The following BYSL variants were observed in gnomAD, a reference collection of about 807,000 sequenced individuals.
BYSL encodes bystin.
Under a neutral mutation model 45.4 loss-of-function variants are expected in BYSL, and 21 were observed. That is an observed-to-expected ratio of 0.46 (90% CI 0.33 to 0.67). The LOEUF (loss-of-function observed/expected upper bound fraction) is 0.67. Among genes scored for constraint, BYSL ranks in the 30% least tolerant of loss-of-function variants. The pLI, the probability that BYSL is intolerant of heterozygous loss-of-function variation, is 0.02. For synonymous variants in BYSL, 215 were observed against 231.3 expected (o/e 0.93, Z 0.64); for missense variants, 522 against 578.5 (o/e 0.90, Z 1.00).
chr6:41,911,455 T>A, the BYSL span, among the ~76,000 whole-genome samples: 3 of 152,142 alleles, frequency 2.0e-5, no homozygotes, highest in Non-Finnish European at 4.4e-5. Flanking sequence ...CCAGCTGAGA[T>A]AGGCTAAAAA....
chr6:41,926,575 C>A (rs1775566639), intron 1 of BYSL, among the ~76,000 whole-genome samples: 1 of 151,696 alleles, frequency 6.6e-6, no homozygotes. Context: ...CTCAGCCTTC[C>A]AAATAGCTGG....
At chr6:41,922,020 C>T (rs887266559) in intron 1 of BYSL, among the ~76,000 whole-genome samples, 190 bp downstream of exon 1, 1 of 152,170 alleles carries the variant, frequency 6.6e-6, no homozygotes, top group Non-Finnish European at 1.5e-5. Context: ...CTTCTAGACA[C>T]CCCCGAAGTT....
At chr6:41,926,426 TAAG>T (rs1401619228) in intron 1 of BYSL, among the ~76,000 whole-genome samples, 4 of 152,212 alleles carry the variant, frequency 2.6e-5, no homozygotes, top group Admixed American at 6.5e-5. Context: ...CATTGTTCCA[TAAG>T]AAGGTTTATT....
At chr6:41,911,836 T>C in the BYSL span, among the ~76,000 whole-genome samples, 1 of 152,024 alleles carries the variant, frequency 6.6e-6, no homozygotes, top group Admixed American at 6.6e-5. Context: ...TAAATCCAGT[T>C]CCAAACTTCT....
upstream of BYSL, chr6:41,918,010 C>CA: frequency 3.9e-6 from 1 of 259,028 alleles, no homozygotes; most frequent in South Asian, 3.4e-5. Flanking sequence ...AAGAATGGAA[C>CA]AAAACAAAAA....
intron 1 of BYSL, among the ~76,000 whole-genome samples, chr6:41,924,164 G>A (rs187305464): frequency 1.7e-4 from 26 of 150,662 alleles, no homozygotes; most frequent in Non-Finnish European, 3.0e-5. Context: ...GGGTTCAAGC[G>A]ATTCTCCTGC....
At chr6:41,914,263 T>C in the BYSL span, among the ~76,000 whole-genome samples, 1 of 152,162 alleles carries the variant, frequency 6.6e-6, no homozygotes, top group African/African-American at 2.4e-5. Context: ...GACACAGCCA[T>C]GGCTAGAGAC....
chr6:41,931,346 G>A (rs1334102102), intron 4 of BYSL, 50 bp from the exon 5 acceptor site: 2 of 1,603,882 alleles, frequency 1.2e-6, no homozygotes, highest in East Asian at 4.5e-5. Flanking sequence ...AATGGGCCGG[G>A]TCCAGACTGT....
chr6:41,909,693 A>C, the BYSL span, among the ~76,000 whole-genome samples: 1 of 152,106 alleles, frequency 6.6e-6, no homozygotes, highest in East Asian at 1.9e-4. Context: ...CTAGAAAGGT[A>C]GGGGGAAATA....
At position 41,932,275 on chromosome 6, in the gene BYSL, A is replaced by G; in HGVS notation, c.969-86A>G. ...TGTAAGGGCCAGCAGAGGGGAAGAA[A>G]AAAAGGGGAAAGCATAGAGGGAGAA... On this transcript the variant is annotated intron_variant, in intron 6 of 6. Transcript: ENST00000230340. This position sits in a 1 kb window ranked among gnomAD's most constrained non-coding sequence, Gnocchi z 4.7. 5.9e-6 allele frequency: 8 copies of G among 1,351,026 alleles called. No individual in the cohort carries two copies. In the South Asian group the frequency reaches 6.5e-5, roughly 11 times the overall value. 83.7% of individuals were successfully genotyped at this position (1,351,026 alleles called of 1,614,324 possible). A position where few individuals can be genotyped will look rare whatever the true frequency, so the allele number is the denominator to read the frequency against.
chr6:41,910,098 AGAAGTTTAGACTGT>A, the BYSL span, among the ~76,000 whole-genome samples: 1 of 152,114 alleles, frequency 6.6e-6, no homozygotes, highest in East Asian at 1.9e-4. Flanking sequence ...CCATGCCTCA[AGAAGTTTAGACTGT>A]ATCCTGAAAC....
chr6:41,928,206 A>G (rs1316076398), intron 2 of BYSL, among the ~76,000 whole-genome samples: 1 of 152,128 alleles, frequency 6.6e-6, no homozygotes, highest in African/African-American at 2.4e-5. Flanking sequence ...GAGCCCATAA[A>G]TTTTGGCCCT....
upstream of BYSL, chr6:41,916,733 T>C (rs1433281413): frequency 1.9e-6 from 3 of 1,593,624 alleles, no homozygotes; most frequent in Non-Finnish European, 2.6e-6. Flanking sequence ...AACTCAAATG[T>C]CTCTTAACTC....
chr6:41,925,071 G>T (rs10947996), intron 1 of BYSL, among the ~76,000 whole-genome samples: 43,469 of 151,886 alleles, frequency 0.29, 6,662 homozygotes, highest in African/African-American at 0.39. Flanking sequence ...AGTTGATAAC[G>T]GGTGAGATTT....
the BYSL span, among the ~76,000 whole-genome samples, chr6:41,911,966 T>A: frequency 3.9e-4 from 60 of 152,298 alleles, no homozygotes; most frequent in Non-Finnish European, 7.3e-4. Flanking sequence ...CTTGGAAATA[T>A]CTTAAAAGTC....
At chr6:41,926,491 A>G (rs1034729183) in intron 1 of BYSL, among the ~76,000 whole-genome samples, 2 of 151,384 alleles carry the variant, frequency 1.3e-5, no homozygotes, top group African/African-American at 4.9e-5. Flanking sequence ...TCGCTTTGTC[A>G]CCAGGCTGGA....
At chr6:41,916,497 T>G in the BYSL span, among the ~76,000 whole-genome samples, 3 of 151,538 alleles carry the variant, frequency 2.0e-5, no homozygotes, top group Admixed American at 6.6e-5. Flanking sequence ...GGAGAATCAC[T>G]TGAACCTGGG....
chr6:41,909,445 G>A, the BYSL span: 1 of 1,614,182 alleles, frequency 6.2e-7, no homozygotes, highest in Non-Finnish European at 8.5e-7. Context: ...ATAAGGCAAG[G>A]GCCATTCTCA....
chr6:41,925,526 G>A (rs1377285608), intron 1 of BYSL, among the ~76,000 whole-genome samples: 1 of 151,792 alleles, frequency 6.6e-6, no homozygotes, highest in African/African-American at 2.4e-5. Flanking sequence ...ACCACACCCG[G>A]CTAATTTTTT....
Sources: gnomAD v4.1 joint callset for allele counts (sites outside exome capture counted in the v4.1 genomes callset) on GRCh38, gnomAD v4.1.1 for gene constraint, Gnocchi (gnomAD v3.1) non-coding constraint, MANE v1.5 for transcripts, NCBI Gene and HGNC (gene_info 2026-07-23, HGNC 2026-07-21) for gene names.